Variants in HK1 observed in about 807,000 individuals in gnomAD.
HK1 encodes the protein hexokinase-1.
In HK1, 28 loss-of-function variants were observed where a neutral mutation model predicts 91.6. The observed-to-expected ratio is 0.31, with a 90% CI of 0.23 to 0.42. The LOEUF is 0.42. HK1 is among the 10% of genes least tolerant of loss of function. The pLI is 1.00. For missense variants in HK1, 770 were observed against 1,219.8 expected, an observed-to-expected ratio of 0.63 and a Z score of 5.49; for synonymous variants, 430 against 468.1, an observed-to-expected ratio of 0.92 and a Z score of 1.05.
chr10:69,343,048 A>G (rs1848370733), intron 1 of HK1, among the ~76,000 whole-genome samples: 1 of 152,158 alleles, frequency 6.6e-6, no homozygotes, highest in Non-Finnish European at 1.5e-5. Flanking sequence ...TCGGAGGTGC[A>G]GGGCCCATGG....
chr10:69,372,062 T>G (rs934127536), intron 7 of HK1, among the ~76,000 whole-genome samples: 1 of 152,208 alleles, frequency 6.6e-6, no homozygotes, highest in Non-Finnish European at 1.5e-5. Context: ...ATGGCACAAG[T>G]CATGTCTTAC....
At chr10:69,386,125 T>C (rs1423951952) in intron 12 of HK1, among the ~76,000 whole-genome samples, 198 bp from the exon 13 acceptor site, 2 of 152,120 alleles carry the variant, frequency 1.3e-5, no homozygotes, top group African/African-American at 4.8e-5. Context: ...ATCTGTGAAG[T>C]GGGATTATTT....
At position 69,327,518 on chromosome 10, in the gene HK1, C is replaced by T. The variant is rs559085841; in HGVS notation, c.63+8508C>T. Reference sequence around the variant, plus strand: ...TAATGTTTCAAGTGACAAACAATGCCTTGGTGAACTTTCTCTAGAACAACT... The same window carrying T: ...TAATGTTTCAAGTGACAAACAATGCTTTGGTGAACTTTCTCTAGAACAACT... On this transcript the variant is annotated intron_variant, in intron 1 of 17. Transcript: ENST00000359426. Among the ~76,000 whole-genome samples the T allele has an allele frequency of 1.1e-4, 17 of 152,252 alleles. No individual in the cohort carries two copies. The South Asian group carries it at 3.3e-3, about 30-fold the overall frequency.
At chr10:69,325,873 C>T (rs943025887) in intron 1 of HK1, among the ~76,000 whole-genome samples, 16 of 149,876 alleles carry the variant, frequency 1.1e-4, no homozygotes, top group African/African-American at 2.5e-4. Flanking sequence ...CTTACTCTGT[C>T]GCCTGGGTTG....
intron 2 of HK1, among the ~76,000 whole-genome samples, chr10:69,348,636 C>T (rs551871076): frequency 3.5e-4 from 54 of 152,316 alleles, no homozygotes; most frequent in African/African-American, 1.3e-3. Flanking sequence ...TATGGCGAAA[C>T]CCCGTCTCTA....
Position 69,328,641 on chromosome 10 carries a change from T to C in HK1, c.63+9631T>C, listed in dbSNP as rs185938319. ...GCTCCTGCTTTTATTATTTTCTCAA[T>C]TGAGTTATAATTCACCTACCATGAA... On this transcript the variant is annotated intron_variant, in intron 1 of 17. Coordinates refer to ENST00000359426, the MANE Select transcript of HK1 (RefSeq NM_000188.3). Among the ~76,000 whole-genome samples, 114 of 152,322 alleles carry C rather than the reference T, an allele frequency of 7.5e-4. No homozygotes were observed. The Middle Eastern group carries it at 0.017, about 23-fold the overall frequency.
intron 14 of HK1, 102 bp from the exon 15 acceptor site, chr10:69,392,023 G>A (rs943615146): frequency 9.2e-6 from 10 of 1,086,628 alleles, no homozygotes; most frequent in African/African-American, 6.3e-5. Context: ...CACAAAAAAC[G>A]TGCCCCCTGC....
chr10:69,274,534 G>T (rs1341200889), intron 1 of HK1, among the ~76,000 whole-genome samples: 3 of 150,466 alleles, frequency 2.0e-5, no homozygotes, highest in East Asian at 3.9e-4. Context: ...GGAGGCAGAG[G>T]TTGCTGCGAG....
chr10:69,276,004 C>T (rs893032643), intron 1 of HK1, among the ~76,000 whole-genome samples: 3 of 143,822 alleles, frequency 2.1e-5, no homozygotes, highest in Non-Finnish European at 3.0e-5. Context: ...GAAGGAGAAT[C>T]GCTTGAATCC....
intron 3 of HK1, among the ~76,000 whole-genome samples, chr10:69,294,235 C>T (rs1392846106): frequency 6.6e-6 from 1 of 152,150 alleles, no homozygotes; most frequent in Admixed American, 6.5e-5. Flanking sequence ...GTCACATGGC[C>T]AGTTCTGGAG....
intron 2 of HK1, among the ~76,000 whole-genome samples, chr10:69,288,122 C>T (rs747900980): frequency 6.6e-6 from 1 of 152,196 alleles, no homozygotes; most frequent in Non-Finnish European, 1.5e-5. Context: ...CCACTGCACT[C>T]CAACCTGGTC....
chr10:69,318,752 G>A, upstream of HK1: 6 of 1,089,198 alleles, frequency 5.5e-6, no homozygotes, highest in Non-Finnish European at 4.9e-6. Flanking sequence ...TCGGCTGGCG[G>A]CTGTCACCCT....
chr10:69,383,244 C>A (rs1839480551), intron 10 of HK1, among the ~76,000 whole-genome samples: 1 of 152,190 alleles, frequency 6.6e-6, no homozygotes, highest in Non-Finnish European at 1.5e-5. Context: ...TTAGGTTTTC[C>A]CAAAGCCAAG....
At chr10:69,384,695 G>A (rs1461174310) in intron 11 of HK1, 101 bp from the exon 12 acceptor site, 11 of 1,519,298 alleles carry the variant, frequency 7.2e-6, no homozygotes, top group Non-Finnish European at 1.0e-5. Flanking sequence ...TGTGTGGGGT[G>A]TGTTTTCCTA....
chr10:69,384,022 C>A (rs1010448642), intron 10 of HK1, among the ~76,000 whole-genome samples: 3 of 152,214 alleles, frequency 2.0e-5, no homozygotes, highest in African/African-American at 7.2e-5. Flanking sequence ...TTGCAAATAC[C>A]CCACACCTTG....
At chr10:69,296,919 A>AG (rs1040307840) in intron 4 of HK1, among the ~76,000 whole-genome samples, 17 of 152,098 alleles carry the variant, frequency 1.1e-4, no homozygotes, top group African/African-American at 3.6e-4. Context: ...GAAACCAGAG[A>AG]GGGGGTAGGG....
At chr10:69,303,030 C>A (rs910987227) in intron 5 of HK1, among the ~76,000 whole-genome samples, 6 of 152,252 alleles carry the variant, frequency 3.9e-5, no homozygotes, top group African/African-American at 1.4e-4. Context: ...CCTTCCCTGT[C>A]CATCCTGACT....
intron 1 of HK1, among the ~76,000 whole-genome samples, chr10:69,332,827 A>C (rs1242172784): frequency 6.6e-6 from 1 of 152,132 alleles, no homozygotes; most frequent in Non-Finnish European, 1.5e-5. Flanking sequence ...CACCCAGCTC[A>C]CACCTGTAGA....
intron 2 of HK1, among the ~76,000 whole-genome samples, chr10:69,358,147 C>T (rs928540590): frequency 2.6e-5 from 4 of 152,078 alleles, no homozygotes; most frequent in Non-Finnish European, 5.9e-5. Context: ...CAGGGGTGGC[C>T]GTCACCCCTG....
Sources: gnomAD v4.1 joint callset for allele counts (sites outside exome capture counted in the v4.1 genomes callset) on GRCh38, gnomAD v4.1.1 for gene constraint, MANE v1.5 for transcripts, NCBI Gene and HGNC (gene_info 2026-07-23, HGNC 2026-07-21) for gene names.